Variants in PCDHGA7 observed in about 807,000 individuals in gnomAD.
PCDHGA7 encodes the protein protocadherin gamma subfamily A, 7.
A neutral mutation model predicts 58.3 loss-of-function variants in PCDHGA7; 44 were observed. That is an observed-to-expected ratio of 0.75 (90% CI 0.59 to 0.97). The LOEUF (loss-of-function observed/expected upper bound fraction) is 0.97, where lower values mean the gene tolerates loss of function less well. PCDHGA7 is among the 50% of genes least tolerant of loss of function. The pLI is 0.00. For synonymous variants in PCDHGA7, 516 were observed against 504.2 expected, an observed-to-expected ratio of 1.02 and a Z score of -0.31; for missense variants, 1,266 against 1,188.7, an observed-to-expected ratio of 1.06 and a Z score of -0.96.
chr5:141,421,118 T>C (rs572827470), intron 1 of PCDHGA7: 2 of 771,948 alleles, frequency 2.6e-6, no homozygotes, highest in Non-Finnish European at 2.0e-6. Context: ...GTATTTTCCT[T>C]CGCTTTCTGA....
At chr5:141,411,302 G>T (rs1165336405) in intron 1 of PCDHGA7, 1 of 152,134 alleles carries the variant, frequency 6.6e-6, no homozygotes, top group Admixed American at 6.6e-5. Context: ...AGGCCCAGTG[G>T]CTCACACCTA....
In PCDHGA7 at chr5:141,443,329, A is replaced by AC. The variant is rs58846402; in HGVS notation, c.2425-51477dup. 1.9e-4 allele frequency among the ~76,000 whole-genome samples: 29 copies of AC among 151,590 alleles called. No individual in the cohort carries two copies. In the East Asian group the frequency reaches 4.3e-3, roughly 22 times the overall value. ...AAACCCATCTCTACAAAAAAAAAAA[A>AC]CAAAAATTAACAAGGTTTAGTGGTC... On this transcript the variant is annotated intron_variant, in intron 1 of 3. Coordinates refer to ENST00000518325, the MANE Select transcript of PCDHGA7 (RefSeq NM_018920.4).
At chr5:141,415,304 C>T (rs1468756434) in intron 1 of PCDHGA7, 2 of 1,614,188 alleles carry the variant, frequency 1.2e-6, no homozygotes, top group Non-Finnish European at 8.5e-7. Context: ...GTCTTCCTGG[C>T]CTTCGTCATC....
Position 141,393,951 on chromosome 5 carries a change from G to A in PCDHGA7, c.2424+8628G>A, listed in dbSNP as rs778713382. The A allele has an allele frequency of 6.4e-5, 104 of 1,613,726 alleles. No homozygotes were observed. The highest frequency in any genetic ancestry group is 1.6e-4 in the Middle Eastern group (1 of 6,084). ...GCATGACCAAGACTCTGGAAAGAAT[G>A]GTCAAGTTGTCTGTTACACACGTGA... On this transcript the variant is annotated intron_variant, in intron 1 of 3. Transcript: ENST00000518325.
chr5:141,408,833 A>G, intron 1 of PCDHGA7: 1 of 1,613,704 alleles, frequency 6.2e-7, no homozygotes, highest in Non-Finnish European at 8.5e-7. Context: ...TCATAGCTTG[A>G]TATTGACTGC....
intron 3 of PCDHGA7, among the ~76,000 whole-genome samples, chr5:141,509,419 T>C (rs2154594533): frequency 6.6e-6 from 1 of 152,216 alleles, no homozygotes; most frequent in South Asian, 2.1e-4. Flanking sequence ...CGAGCCCCAA[T>C]GAGTCAAACT....
rs771411620 is a variant in PCDHGA7, at chr5:141,485,551, G to A, written c.2425-9256G>A. ...GAGCAGAGGTAGAGATCGTAGATGT[G>A]AATGATCACGCCCCCCGTTTTCCGC... On this transcript the variant is annotated intron_variant, in intron 1 of 3. Transcript: ENST00000518325. This position sits in a 1 kb window ranked among gnomAD's most constrained non-coding sequence, Gnocchi z 5.7. 1.9e-6 allele frequency: 3 copies of A among 1,613,958 alleles called. No individual in the cohort carries two copies. Among genetic ancestry groups the A allele is most frequent in the Admixed American group, 1.7e-5 (1 of 60,006 alleles).
chr5:141,417,892 C>G lies in PCDHGA7; in HGVS notation c.2424+32569C>G, dbSNP rs550343206. On this transcript the variant is annotated intron_variant, in intron 1 of 3. Coordinates refer to ENST00000518325, the MANE Select transcript of PCDHGA7 (RefSeq NM_018920.4). Reference sequence around the variant, plus strand: ...GGAGCTGCGCGCAGAGGCGCCGGGCCGGCCCGCGGCAGGTACTATTTCCTT... The same window carrying G: ...GGAGCTGCGCGCAGAGGCGCCGGGCGGGCCCGCGGCAGGTACTATTTCCTT... 2.2e-4 allele frequency: 348 copies of G among 1,570,774 alleles called. 2 individuals carry two copies. The South Asian group carries it at 3.7e-3, about 17-fold the overall frequency.
chr5:141,407,406 C>T (rs971404616), intron 1 of PCDHGA7, among the ~76,000 whole-genome samples: 2 of 152,090 alleles, frequency 1.3e-5, no homozygotes, highest in East Asian at 3.8e-4. Flanking sequence ...AGTTACTATT[C>T]GATACCACAA....
chr5:141,403,333 C>A (rs376895778), intron 1 of PCDHGA7: 1 of 1,613,984 alleles, frequency 6.2e-7, no homozygotes, highest in South Asian at 1.1e-5. Flanking sequence ...CTGATATTAA[C>A]GACAGCGCCC....
In PCDHGA7 at chr5:141,405,165, C is replaced by G. The variant is rs745998723; in HGVS notation, c.2424+19842C>G. 1.9e-6 allele frequency: 3 copies of G among 1,613,978 alleles called. No individual in the cohort carries two copies. In the South Asian group the frequency reaches 3.3e-5, roughly 18 times the overall value. On this transcript the variant is annotated intron_variant, in intron 1 of 3. Transcript: ENST00000518325. Reference sequence around the variant, plus strand: ...GATGGGTTGGCTGGTGTGCCCACCTCACACTTTGTGGGTGTAGATGGGGTT... The same window carrying G: ...GATGGGTTGGCTGGTGTGCCCACCTGACACTTTGTGGGTGTAGATGGGGTT...
At chr5:141,450,835 T>TATTA (rs1438371595) in intron 1 of PCDHGA7, among the ~76,000 whole-genome samples, 1 of 142,096 alleles carries the variant, frequency 7.0e-6, no homozygotes, top group Admixed American at 6.9e-5. Context: ...TATTATTTTT[T>TATTA]TTTTTTTGAG....
intron 3 of PCDHGA7, among the ~76,000 whole-genome samples, chr5:141,506,190 C>T (rs1313145580): frequency 6.6e-6 from 1 of 152,180 alleles, no homozygotes; most frequent in Non-Finnish European, 1.5e-5. Flanking sequence ...GTGGCTCACG[C>T]CTGTAATCCC....
chr5:141,417,940 C>T (rs757819377), intron 1 of PCDHGA7: 2 of 1,613,054 alleles, frequency 1.2e-6, no homozygotes, highest in South Asian at 1.1e-5. Context: ...TGTTCTACCC[C>T]ACGCTGTGTG....
At chr5:141,392,063 A>G (rs2092459837) in intron 1 of PCDHGA7, 1 of 152,218 alleles carries the variant, frequency 6.6e-6, no homozygotes, top group African/African-American at 2.4e-5. Context: ...TATTATCGAC[A>G]TGTAATTCAA....
Position 141,489,120 on chromosome 5 carries a change from G to T in PCDHGA7, c.2425-5687G>T. On this transcript the variant is annotated intron_variant, in intron 1 of 3. Coordinates refer to ENST00000518325, the MANE Select transcript of PCDHGA7 (RefSeq NM_018920.4). The surrounding 1 kb of genome is among the most constrained non-coding windows in gnomAD (Gnocchi z 4.5). Reference sequence around the variant, plus strand: ...AACTGCTGCAAGCAGGCAAACCTCCGAGCAGTTTTTAAGAGGCTGGAAGGA... The same window carrying T: ...AACTGCTGCAAGCAGGCAAACCTCCTAGCAGTTTTTAAGAGGCTGGAAGGA... 2.2e-6 allele frequency: 1 copy of T among 445,672 alleles called. No individual in the cohort carries two copies. The highest frequency in any genetic ancestry group is 3.8e-6 in the Non-Finnish European group (1 of 264,754). The allele number at this position is 445,672 out of a possible 1,614,324, so 27.6% of individuals were successfully genotyped here.
chr5:141,477,379 A>C lies in PCDHGA7; in HGVS notation c.2425-17428A>C, dbSNP rs1293075706. The stretch of plus-strand genomic sequence containing the variant: ...CAGACCTGGATCGGGAGACTGTGCC[A>C]GAATACAACCTCAGCATCACCGCCC... On this transcript the variant is annotated intron_variant, in intron 1 of 3. Transcript: ENST00000518325. This position sits in a 1 kb window ranked among gnomAD's most constrained non-coding sequence, Gnocchi z 4.9. 2 of 1,614,184 alleles carry C rather than the reference A, an allele frequency of 1.2e-6. No homozygotes were observed. Among genetic ancestry groups the C allele is most frequent in the Non-Finnish European group, 1.7e-6 (2 of 1,180,034 alleles).
chr5:141,421,130 A>G, intron 1 of PCDHGA7: 1 of 827,800 alleles, frequency 1.2e-6, no homozygotes, highest in South Asian at 1.8e-5. Context: ...GCTTTCTGAT[A>G]TATTTTGGAT....
intron 1 of PCDHGA7, chr5:141,393,751 C>A (rs1159377259): frequency 6.2e-7 from 1 of 1,613,846 alleles, no homozygotes; most frequent in Non-Finnish European, 8.5e-7. Flanking sequence ...GAAGAATGTT[C>A]ATTTTATGAA....
Sources: gnomAD v4.1 joint callset for allele counts (sites outside exome capture counted in the v4.1 genomes callset) on GRCh38, gnomAD v4.1.1 for gene constraint, Gnocchi (gnomAD v3.1) non-coding constraint, MANE v1.5 for transcripts, NCBI Gene and HGNC (gene_info 2026-07-23, HGNC 2026-07-21) for gene names.